ELMO1: variants seen among roughly 807,000 people sequenced by gnomAD.
ELMO1 encodes engulfment and cell motility 1.
A neutral mutation model predicts 98.9 loss-of-function variants in ELMO1; 26 were observed. The ratio of observed to expected loss-of-function variants is 0.26; its 90% CI spans 0.19 to 0.36. The LOEUF (loss-of-function observed/expected upper bound fraction) is 0.36. Ranked by LOEUF, ELMO1 falls within the 10% of genes least tolerant of loss-of-function variation. The probability of loss-of-function intolerance (pLI) is 1.00; values close to 1 mark genes in which losing one functional copy is unlikely to be tolerated. For missense variants in ELMO1, 627 were observed against 935.2 expected (o/e 0.67, Z 4.30); for synonymous variants, 346 against 346.0 (o/e 1.00, Z 0.00).
At chr7:36,959,822 A>ACTC (rs1788793227) in intron 16 of ELMO1, among the ~76,000 whole-genome samples, 1 of 152,182 alleles carries the variant, frequency 6.6e-6, no homozygotes, top group East Asian at 1.9e-4. Context: ...CTGGGATTAC[A>ACTC]GGCACGTGTG....
At chr7:36,927,488 T>C (rs1181588465) in intron 16 of ELMO1, among the ~76,000 whole-genome samples, 1 of 152,180 alleles carries the variant, frequency 6.6e-6, no homozygotes, top group Non-Finnish European at 1.5e-5. Flanking sequence ...AAACCACATA[T>C]AGAAATCCTT....
At chr7:37,316,593 A>T (rs926631699) in intron 2 of ELMO1, among the ~76,000 whole-genome samples, 3 of 152,164 alleles carry the variant, frequency 2.0e-5, no homozygotes, top group Admixed American at 6.5e-5. Context: ...CCTAACAGCC[A>T]CACTTGTGCT....
At chr7:37,141,095 A>G (rs1178261659) in intron 13 of ELMO1, among the ~76,000 whole-genome samples, 2 of 152,256 alleles carry the variant, frequency 1.3e-5, no homozygotes, top group African/African-American at 4.8e-5. Flanking sequence ...TGTATACAGC[A>G]GTACAATTTG....
chr7:37,028,124 A>C (rs1224752134), intron 15 of ELMO1, among the ~76,000 whole-genome samples: 1 of 152,010 alleles, frequency 6.6e-6, no homozygotes, highest in Non-Finnish European at 1.5e-5. Context: ...CATTGTACAG[A>C]TGAGAAAACA....
intron 16 of ELMO1, among the ~76,000 whole-genome samples, chr7:36,956,825 T>C (rs1388706709): frequency 6.6e-6 from 1 of 152,242 alleles, no homozygotes; most frequent in Non-Finnish European, 1.5e-5. Context: ...CCTACAGGTT[T>C]GATTACAACG....
At chr7:37,201,541 G>T (rs1792294176) in intron 13 of ELMO1, among the ~76,000 whole-genome samples, 1 of 152,208 alleles carries the variant, frequency 6.6e-6, no homozygotes. Flanking sequence ...TAATAGGGGG[G>T]CCAGTTGCAC....
intron 13 of ELMO1, among the ~76,000 whole-genome samples, chr7:37,206,004 G>C (rs901015223): frequency 5.9e-5 from 9 of 152,070 alleles, no homozygotes; most frequent in Non-Finnish European, 1.3e-4. Context: ...CAAGCACCCA[G>C]TGTTCTTTCA....
chr7:37,252,087 C>T (rs950719326), intron 6 of ELMO1, among the ~76,000 whole-genome samples: 2 of 152,086 alleles, frequency 1.3e-5, no homozygotes, highest in African/African-American at 4.8e-5. Context: ...AGAGAGGACA[C>T]AAACAAATGA....
At position 37,133,182 on chromosome 7, in the gene ELMO1, G is replaced by A; in HGVS notation, c.1139C>T (p.Ala380Val). 1 of 1,613,080 alleles carries A rather than the reference G, an allele frequency of 6.2e-7. No individual in the cohort carries two copies. Among genetic ancestry groups the A allele is most frequent in the Non-Finnish European group, 8.5e-7 (1 of 1,179,610 alleles). The change falls in exon 14 of 22, where the codon GCT (alanine) becomes GTT (valine). Residue 380 changes from alanine to valine, a missense_variant. By Grantham distance (64) the Ala-to-Val change is moderately conservative (BLOSUM62 0). Transcript: ENST00000310758. The part of the protein sequence containing the change: ...DFTQTPPGML[A>V]LDNMLYFAKH... ...GGCAAAGTACAGCATGTTGTCCAGA[G>A]CCAACATCCCAGGTGGAGTCTGCGT...
intron 1 of ELMO1, among the ~76,000 whole-genome samples, chr7:37,373,360 A>T (rs1802195586): frequency 6.6e-6 from 1 of 152,030 alleles, no homozygotes; most frequent in Admixed American, 6.6e-5. Flanking sequence ...TAATCCCAGC[A>T]CTTTGGGAGC....
chr7:36,959,402 C>A lies in ELMO1; in HGVS notation c.1437+53897G>T, dbSNP rs192899807. Among the ~76,000 whole-genome samples, 357 of 152,290 alleles carry A rather than the reference C, an allele frequency of 2.3e-3. 1 individual carries two copies. Among genetic ancestry groups the A allele is most frequent in the Non-Finnish European group, 3.7e-3 (254 of 68,018 alleles). ...CAAAGTCCTGACCACAGTTTTCAAG[C>A]CCCTGAAAAATCTGGCCCCTGGCTA... On this transcript the variant is annotated intron_variant, in intron 16 of 21. Coordinates refer to ENST00000310758, the MANE Select transcript of ELMO1 (RefSeq NM_014800.11).
chr7:37,422,158 C>T (rs1804502114), intron 1 of ELMO1, among the ~76,000 whole-genome samples: 1 of 152,194 alleles, frequency 6.6e-6, no homozygotes, highest in African/African-American at 2.4e-5. Flanking sequence ...TCCTCTATTT[C>T]AACACCACAG....
intron 18 of ELMO1, among the ~76,000 whole-genome samples, chr7:36,884,340 T>C (rs1341109173): frequency 4.6e-5 from 7 of 151,920 alleles, no homozygotes; most frequent in Non-Finnish European, 2.9e-5. Flanking sequence ...ATCTATATTC[T>C]GAGGCGCTAC....
chr7:37,009,114 A>G (rs940281158), intron 16 of ELMO1, among the ~76,000 whole-genome samples: 2 of 152,108 alleles, frequency 1.3e-5, no homozygotes, highest in East Asian at 1.9e-4. Context: ...TGAGATTCCC[A>G]TACCTAAAAT....
chr7:36,870,472 G>A lies in ELMO1; in HGVS notation c.1826C>T (p.Pro609Leu), dbSNP rs751395548. ...CACCACGGCTTTGATATCTGCCACC[G>A]GCACTGCAATTCATAAAAGAAAATG... ...VPHDSLQDKLPVADIKAVVTG... is the reference protein window; with the variant it reads ...VPHDSLQDKLLVADIKAVVTG... Residue 609 changes from proline (P) to leucine (L), a missense_variant, in exon 20 of 22, where the codon CCG (proline) becomes CTG (leucine). Physicochemically the swap from Pro to Leu is moderately conservative, Grantham distance 98. Around this residue, in one of 3 missense-constraint regions of ELMO1, gnomAD observed 492 missense variants for 715.6 expected, o/e 0.69. Coordinates refer to ENST00000310758, the MANE Select transcript of ELMO1 (RefSeq NM_014800.11). The surrounding 1 kb of genome is among the most constrained non-coding windows in gnomAD (Gnocchi z 4.4). 5 of 1,613,178 alleles carry A rather than the reference G, an allele frequency of 3.1e-6. No homozygotes were observed. The highest frequency in any genetic ancestry group is 4.2e-6 in the Non-Finnish European group (5 of 1,179,798).
At chr7:36,885,558 C>T (rs1422224740) in intron 18 of ELMO1, among the ~76,000 whole-genome samples, 2 of 152,188 alleles carry the variant, frequency 1.3e-5, no homozygotes, top group African/African-American at 4.8e-5. Context: ...AACTTCTGTG[C>T]CCTTTGCCCA....
intron 15 of ELMO1, among the ~76,000 whole-genome samples, chr7:37,063,178 C>T (rs1055140011): frequency 6.6e-5 from 10 of 152,146 alleles, no homozygotes; most frequent in African/African-American, 2.4e-4. Flanking sequence ...TGTGAAAGTC[C>T]AAGCTTCAAG....
rs1013892744 is a variant in ELMO1 at position 37,304,045 on chromosome 7, T to C, written c.192+10805A>G. Among the ~76,000 whole-genome samples the C allele has an allele frequency of 2.0e-5, 3 of 152,210 alleles. No individual in the cohort carries two copies. In the East Asian group the frequency reaches 5.8e-4, roughly 29 times the overall value. ...TGACTCAACTTAGGCTGTTTTTTTT[T>C]CTTCATCCTGAAATAAGTATATATG... On this transcript the variant is annotated intron_variant, in intron 4 of 21. Transcript: ENST00000310758.
chr7:37,058,281 C>A (rs1184982766), intron 15 of ELMO1, among the ~76,000 whole-genome samples: 1 of 152,198 alleles, frequency 6.6e-6, no homozygotes, highest in Non-Finnish European at 1.5e-5. Flanking sequence ...ATGTTTCACT[C>A]AAGTCACAGC....
Sources: gnomAD v4.1 joint callset for allele counts (sites outside exome capture counted in the v4.1 genomes callset) on GRCh38, gnomAD v4.1.1 for gene constraint, gnomAD v4.1.1 regional missense constraint, Gnocchi (gnomAD v3.1) non-coding constraint, MANE v1.5 for transcripts, NCBI Gene and HGNC (gene_info 2026-07-23, HGNC 2026-07-21) for gene names.